The following ROBO2 variants were observed in gnomAD, a reference collection of about 807,000 sequenced individuals.
ROBO2 encodes the protein roundabout homolog 2.
Under a neutral mutation model 160.8 loss-of-function variants are expected in ROBO2, and 53 were observed. The ratio of observed to expected loss-of-function variants is 0.33; its 90% confidence interval spans 0.26 to 0.41. ROBO2 has a LOEUF of 0.41. Ranked by LOEUF, ROBO2 falls within the 10% of genes least tolerant of loss-of-function variation. The pLI is 1.00. For missense variants in ROBO2, 1,577 were observed against 1,722.4 expected (o/e 0.92, Z 1.49); for synonymous variants, 664 against 611.7 (o/e 1.09, Z -1.26).
chr3:76,107,439 C>T (rs2069991342), intron 2 of ROBO2, among the ~76,000 whole-genome samples: 2 of 152,204 alleles, frequency 1.3e-5, no homozygotes, highest in East Asian at 3.9e-4. Context: ...GAACCAAATC[C>T]ATTGACTTGT....
In ROBO2 at chr3:76,328,133, T is replaced by A. The variant is rs1044712062; in HGVS notation, c.109+390531T>A. ...ACAATAGTTCCTTGATGACTACAAA[T>A]CATCCAAAAGTGATATATCTATCTT... On this transcript the variant is annotated intron_variant, in intron 2 of 26. Transcript: ENST00000487694. Among the ~76,000 whole-genome samples, 14 of 152,192 alleles carry A rather than the reference T, an allele frequency of 9.2e-5. No individual in the cohort carries two copies. The East Asian group carries it at 2.7e-3, about 29-fold the overall frequency.
chr3:77,102,022 A>C (rs976336792), intron 2 of ROBO2, among the ~76,000 whole-genome samples: 10 of 152,238 alleles, frequency 6.6e-5, no homozygotes, highest in Admixed American at 6.5e-4. Context: ...ACTGGGCGAC[A>C]GAGTGAAACC....
intron 2 of ROBO2, among the ~76,000 whole-genome samples, chr3:76,773,149 C>G (rs1015517483): frequency 6.6e-6 from 1 of 150,992 alleles, no homozygotes; most frequent in Non-Finnish European, 1.5e-5. Flanking sequence ...GTCAAAACCT[C>G]TTAATCAATA....
At chr3:76,896,241 T>G (rs902242442) in intron 2 of ROBO2, among the ~76,000 whole-genome samples, 1 of 152,212 alleles carries the variant, frequency 6.6e-6, no homozygotes, top group Non-Finnish European at 1.5e-5. Context: ...AATATGTCTT[T>G]TATTGTTAAC....
intron 2 of ROBO2, among the ~76,000 whole-genome samples, chr3:76,515,609 G>A (rs758556581): frequency 1.3e-5 from 2 of 151,930 alleles, no homozygotes; most frequent in Non-Finnish European, 2.9e-5. Context: ...TAAAGCCTAA[G>A]CATATCTTTG....
intron 2 of ROBO2, among the ~76,000 whole-genome samples, chr3:77,342,271 T>A (rs535445022): frequency 6.6e-6 from 1 of 152,226 alleles, no homozygotes; most frequent in East Asian, 1.9e-4. Flanking sequence ...ATGTTTTCCA[T>A]TGTCAGTGTG....
intron 2 of ROBO2, among the ~76,000 whole-genome samples, chr3:76,513,344 T>G (rs1490417641): frequency 6.9e-6 from 1 of 145,188 alleles, no homozygotes; most frequent in Non-Finnish European, 1.6e-5. Context: ...TTTATTTATT[T>G]ATCTATTTAT....
At chr3:77,122,019 G>A (rs1004014484) in intron 2 of ROBO2, among the ~76,000 whole-genome samples, 3 of 152,080 alleles carry the variant, frequency 2.0e-5, no homozygotes, top group Non-Finnish European at 4.4e-5. Flanking sequence ...GAATTTCCAT[G>A]TGTTAGTTCA....
chr3:76,975,559 C>T (rs925785146), intron 2 of ROBO2, among the ~76,000 whole-genome samples: 3 of 152,144 alleles, frequency 2.0e-5, no homozygotes, highest in Admixed American at 1.3e-4. Context: ...ATCTTTGTGT[C>T]CGTTTAACAT....
intron 2 of ROBO2, among the ~76,000 whole-genome samples, chr3:76,391,181 G>T (rs564362085): frequency 6.6e-6 from 1 of 151,940 alleles, no homozygotes; most frequent in Non-Finnish European, 1.5e-5. Flanking sequence ...TATTGATACA[G>T]CAAGTGTTTC....
intron 2 of ROBO2, among the ~76,000 whole-genome samples, chr3:76,503,000 ATGTGTGTG>A (rs76969660): frequency 7.0e-6 from 1 of 143,060 alleles, no homozygotes; most frequent in African/African-American, 2.9e-5. Flanking sequence ...ATATATATAT[ATGTGTGTG>A]TGTGTGTGTG....
chr3:77,152,136 C>G (rs986362765), intron 2 of ROBO2, among the ~76,000 whole-genome samples: 1 of 152,174 alleles, frequency 6.6e-6, no homozygotes. Context: ...TACCTGTTCA[C>G]AGCTGTAGAT....
At chr3:77,049,162 C>G (rs1482791264) in intron 1 of ROBO2, among the ~76,000 whole-genome samples, 1 of 151,938 alleles carries the variant, frequency 6.6e-6, no homozygotes, top group Non-Finnish European at 1.5e-5. Context: ...AACCCTGTCT[C>G]TACAAAAAAG....
intron 2 of ROBO2, among the ~76,000 whole-genome samples, chr3:77,323,258 T>C (rs1030726614): frequency 2.6e-5 from 4 of 151,622 alleles, no homozygotes; most frequent in Non-Finnish European, 5.9e-5. Context: ...GATTTCCAAC[T>C]GCCCAGGACT....
At chr3:77,392,152 G>C (rs986310418) in intron 2 of ROBO2, among the ~76,000 whole-genome samples, 1 of 152,074 alleles carries the variant, frequency 6.6e-6, no homozygotes, top group African/African-American at 2.4e-5. Flanking sequence ...ACTACTAGTG[G>C]CTACAATAAT....
chr3:77,477,323 C>T, intron 2 of ROBO2, 91 bp from the exon 3 acceptor site: 3 of 1,316,676 alleles, frequency 2.3e-6, no homozygotes, highest in Non-Finnish European at 2.2e-6. Flanking sequence ...TTTACTAGAA[C>T]AAGGTAAACA....
chr3:76,716,093 G>A (rs2093374286), intron 2 of ROBO2, among the ~76,000 whole-genome samples: 1 of 117,350 alleles, frequency 8.5e-6, no homozygotes. Context: ...CTTAAGTTAT[G>A]AATTTTTTGG....
At chr3:76,017,818 A>G (rs1017410451) in intron 2 of ROBO2, among the ~76,000 whole-genome samples, 2 of 152,140 alleles carry the variant, frequency 1.3e-5, no homozygotes, top group Admixed American at 1.3e-4. Context: ...TCACAGGATT[A>G]TAGAGGATAT....
intron 23 of ROBO2, 109 bp from the exon 25 acceptor site, chr3:77,634,761 T>A: frequency 9.8e-7 from 1 of 1,022,520 alleles, no homozygotes; most frequent in East Asian, 2.4e-5. Context: ...TATCTTCATA[T>A]GTTATCTCTA....
Sources: gnomAD v4.1 joint callset for allele counts (sites outside exome capture counted in the v4.1 genomes callset) on GRCh38, gnomAD v4.1.1 for gene constraint, MANE v1.5 for transcripts, NCBI Gene and HGNC (gene_info 2026-07-23, HGNC 2026-07-21) for gene names.